IL13RA1: variants seen among roughly 807,000 people sequenced by gnomAD.
The protein encoded by IL13RA1 is interleukin 13 receptor subunit alpha 1, also known as interleukin-13 receptor subunit alpha-1.
In IL13RA1, 14 loss-of-function variants were observed where a neutral mutation model predicts 33.8. The observed-to-expected ratio is 0.41, with a 90% CI of 0.27 to 0.65. IL13RA1 has a LOEUF of 0.65. Among genes scored for constraint, IL13RA1 ranks in the 30% least tolerant of loss-of-function variants. The pLI, the probability that IL13RA1 is intolerant of heterozygous loss-of-function variation, is 0.28. For missense variants in IL13RA1, 313 were observed against 327.0 expected (o/e 0.96, Z 0.33); for synonymous variants, 116 against 115.7 (o/e 1.00, Z -0.02).
rs764300581 is a variant in IL13RA1, at chrX:118,791,883, T to A, written c.*29T>A. ...AGATAATTTATTTTTACCTTCACTG[T>A]GACCTTGAGAAGATTCTTCCCATTC... On this transcript the variant is annotated 3_prime_UTR_variant, in exon 11 of 11. Coordinates refer to ENST00000371666, the MANE Select transcript of IL13RA1 (RefSeq NM_001560.3). 1 of 633,038 alleles carries A rather than the reference T, an allele frequency of 1.6e-6. No individual in the cohort carries two copies. Among genetic ancestry groups the A allele is most frequent in the East Asian group, 3.3e-5 (1 of 30,005 alleles). The allele number at this position is 633,038 out of a possible 1,213,427, so 52.2% of individuals were successfully genotyped here.
Position 118,744,194 on chromosome X carries a change from C to G in IL13RA1, c.229-2760C>G, listed in dbSNP as rs746764011. ...TAGGAATTTAGTTTCTTGTGTGATA[C>G]AGAGAGGTGTACTTGACTTGGCAGT... is the stretch of plus-strand genomic sequence containing the variant. On this transcript the variant is annotated intron_variant, in intron 2 of 10. Transcript: ENST00000371666. Among the ~76,000 whole-genome samples, 8 of 110,801 alleles carry G rather than the reference C, an allele frequency of 7.2e-5. No individual in the cohort carries two copies. The South Asian group carries it at 1.1e-3, about 16-fold the overall frequency.
intron 10 of IL13RA1, among the ~76,000 whole-genome samples, chrX:118,788,021 G>T (rs2017938448): frequency 8.9e-6 from 1 of 111,936 alleles, no homozygotes; most frequent in African/African-American, 3.3e-5. Context: ...AGTTATAAGA[G>T]TATTGATTGG....
intron 6 of IL13RA1, among the ~76,000 whole-genome samples, chrX:118,765,246 T>C (rs2997051): frequency 0.29 from 30,911 of 107,936 alleles, 4,159 homozygotes; most frequent in African/African-American, 0.48. Context: ...TACAGGCACA[T>C]GCCATCAAGC....
chrX:118,745,280 A>G (rs945651731), intron 2 of IL13RA1, among the ~76,000 whole-genome samples: 2 of 112,149 alleles, frequency 1.8e-5, no homozygotes, highest in African/African-American at 6.5e-5. Context: ...AATTAGTTGT[A>G]AAAATATACT....
chrX:118,734,483 G>A (rs1464876981), intron 1 of IL13RA1, among the ~76,000 whole-genome samples: 2 of 111,878 alleles, frequency 1.8e-5, no homozygotes, highest in Non-Finnish European at 3.8e-5. Flanking sequence ...TAACTTTTAA[G>A]TCAATTTTCT....
chrX:118,769,372 C>G (rs778726667), intron 8 of IL13RA1, among the ~76,000 whole-genome samples: 13 of 112,453 alleles, frequency 1.2e-4, no homozygotes, highest in Non-Finnish European at 1.9e-5. Flanking sequence ...GAATTTGAGG[C>G]CTGATGCCAT....
intron 4 of IL13RA1, among the ~76,000 whole-genome samples, chrX:118,756,676 G>A (rs751795587): frequency 2.5e-4 from 28 of 111,658 alleles, no homozygotes; most frequent in African/African-American, 8.5e-4. Flanking sequence ...ACAGAATTTG[G>A]TGATAGAATA....
intron 1 of IL13RA1, among the ~76,000 whole-genome samples, chrX:118,740,737 C>T (rs991931950): frequency 1.8e-5 from 2 of 112,090 alleles, no homozygotes; most frequent in Non-Finnish European, 3.8e-5. Context: ...GAGCTGAGAT[C>T]GTGCCACTGC....
chrX:118,784,968 G>A (rs1339080411), intron 10 of IL13RA1, among the ~76,000 whole-genome samples: 2 of 110,647 alleles, frequency 1.8e-5, no homozygotes, highest in African/African-American at 6.6e-5. Flanking sequence ...ATGTGTTGGC[G>A]TTGTGATTTT....
At chrX:118,728,571 C>T in intron 1 of IL13RA1, among the ~76,000 whole-genome samples, 1 of 111,974 alleles carries the variant, frequency 8.9e-6, no homozygotes, top group Non-Finnish European at 1.9e-5. Flanking sequence ...GCCTTCTGGA[C>T]GTTTTTGGTG....
chrX:118,761,226 C>A lies in IL13RA1; in HGVS notation c.765C>A (p.Ser255Arg). Residue 255 changes from serine (S) to arginine (R), a missense_variant, in exon 6 of 11, where the codon AGC becomes AGA. Transcript: ENST00000371666. ...VQWENPQNFI[S>R]RCLFYEVEVN... ...GGGAGAATCCACAGAATTTTATTAG[C>A]AGATGCCTATTTTATGAAGTAGAAG... The A allele has an allele frequency of 1.0e-6, 1 of 990,749 alleles. No homozygotes were observed. Among genetic ancestry groups the A allele is most frequent in the Non-Finnish European group, 1.4e-6 (1 of 701,079 alleles). 81.6% of individuals were successfully genotyped at this position (990,749 alleles called of 1,213,427 possible).
intron 10 of IL13RA1, among the ~76,000 whole-genome samples, chrX:118,787,611 T>C (rs1206378306): frequency 9.0e-6 from 1 of 111,591 alleles, no homozygotes; most frequent in Non-Finnish European, 1.9e-5. Context: ...GCGTGTTTCA[T>C]CTCTATCTAT....
downstream of IL13RA1, among the ~76,000 whole-genome samples, chrX:118,797,549 C>T (rs2018038602): frequency 8.9e-6 from 1 of 112,193 alleles, no homozygotes; most frequent in African/African-American, 3.2e-5. Context: ...ACCCCTGATT[C>T]CTGCTCCTAG....
intron 1 of IL13RA1, among the ~76,000 whole-genome samples, chrX:118,732,425 C>T (rs12011350): frequency 0.019 from 2,010 of 107,901 alleles, 49 homozygotes; most frequent in African/African-American, 0.063. Flanking sequence ...TTTATTATAC[C>T]TTAAGTTCTA....
chrX:118,770,752 G>A (rs944951890), intron 8 of IL13RA1: 3 of 349,477 alleles, frequency 8.6e-6, no homozygotes, highest in Non-Finnish European at 1.7e-5. Context: ...CCTGTGCATC[G>A]CCTATGTGGT....
chrX:118,776,561 T>TTC, intron 10 of IL13RA1, 50 bp downstream of exon 10: 9 of 480,858 alleles, frequency 1.9e-5, no homozygotes, highest in Non-Finnish European at 3.2e-5. Context: ...TTTTTTTTTT[T>TTC]TGGAAGCTAT....
At chrX:118,803,629 C>T in the IL13RA1 span, among the ~76,000 whole-genome samples, 2 of 111,698 alleles carry the variant, frequency 1.8e-5, no homozygotes, top group African/African-American at 6.5e-5. Flanking sequence ...GAATCAGGAT[C>T]CAATAAGGCT....
chrX:118,773,068 T>C (rs772503625), intron 8 of IL13RA1, among the ~76,000 whole-genome samples: 1 of 112,586 alleles, frequency 8.9e-6, no homozygotes, highest in Non-Finnish European at 1.9e-5. Flanking sequence ...AAATTTTTAT[T>C]ATGAATGTTT....
the IL13RA1 span, among the ~76,000 whole-genome samples, chrX:118,804,524 A>G: frequency 2.7e-5 from 3 of 111,673 alleles, no homozygotes; most frequent in Non-Finnish European, 5.6e-5. Flanking sequence ...CCACATGATA[A>G]GGACCAATAT....
Sources: allele counts gnomAD v4.1 joint callset (sites outside exome capture counted in the v4.1 genomes callset), GRCh38; gene constraint gnomAD v4.1.1; transcripts MANE v1.5; gene names NCBI Gene and HGNC (gene_info 2026-07-23, HGNC 2026-07-21).